Variants in APBB2 observed in about 807,000 individuals in gnomAD.
APBB2 encodes the protein amyloid beta precursor protein binding family B member 2.
Under a neutral mutation model 82.5 loss-of-function variants are expected in APBB2, and 38 were observed. The observed-to-expected ratio is 0.46, with a 90% CI of 0.36 to 0.60. The LOEUF (loss-of-function observed/expected upper bound fraction) is 0.60, where lower values mean the gene tolerates loss of function less well. APBB2 is among the 20% of genes least tolerant of loss of function. The probability of loss-of-function intolerance (pLI) is 0.00; values close to 1 mark genes in which losing one functional copy is unlikely to be tolerated. For missense variants in APBB2, 772 were observed against 972.3 expected, an observed-to-expected ratio of 0.79 and a Z score of 2.74; for synonymous variants, 341 against 368.2, an observed-to-expected ratio of 0.93 and a Z score of 0.85.
intron 6 of APBB2, among the ~76,000 whole-genome samples, chr4:40,979,864 C>T (rs546149634): frequency 6.6e-6 from 1 of 152,330 alleles, no homozygotes; most frequent in South Asian, 2.1e-4. Context: ...GAGCATGCAG[C>T]TCATCCATAT....
intron 6 of APBB2, among the ~76,000 whole-genome samples, chr4:40,997,019 G>A (rs904998550): frequency 6.6e-6 from 1 of 152,038 alleles, no homozygotes; most frequent in Admixed American, 6.5e-5. Context: ...AAACTTACAT[G>A]ACCGCTGCAT....
chr4:40,934,850 G>A lies in APBB2; in HGVS notation c.1108-151C>T, dbSNP rs962934003. 1.4e-5 allele frequency: 10 copies of A among 693,496 alleles called. No individual in the cohort carries two copies. The Admixed American group carries it at 2.2e-4, about 15-fold the overall frequency. 43.0% of individuals were successfully genotyped at this position (693,496 alleles called of 1,614,324 possible). A position where few individuals can be genotyped will look rare whatever the true frequency, so the allele number is the denominator to read the frequency against. On this transcript the variant is annotated intron_variant, in intron 8 of 17. Coordinates refer to ENST00000508593, the MANE Select transcript of APBB2 (RefSeq NM_004307.2). ...AGGCATGCAAGGACTGTTGAATGCT[G>A]ACTGGTGCAAACTCCTGTTCTTACA...
At chr4:41,169,183 CAAAAAA>C (rs60032221) in intron 1 of APBB2, among the ~76,000 whole-genome samples, 3 of 60,726 alleles carry the variant, frequency 4.9e-5, no homozygotes, top group African/African-American at 1.7e-4. Context: ...CACTCCGTCT[CAAAAAA>C]AAAAAAAAAA....
chr4:40,849,600 G>A (rs2154322779), intron 12 of APBB2, among the ~76,000 whole-genome samples: 1 of 152,234 alleles, frequency 6.6e-6, no homozygotes, highest in African/African-American at 2.4e-5. Context: ...GGACTGAAAA[G>A]CTGCCCTTTG....
intron 7 of APBB2, among the ~76,000 whole-genome samples, chr4:40,942,640 GGGCTGTTGGGGGGGA>G (rs1326780317): frequency 2.0e-5 from 3 of 152,108 alleles, no homozygotes; most frequent in Admixed American, 2.0e-4. Context: ...CCGAGCAGCG[GGGCTGTTGGGGGGGA>G]ACACTGAACT....
chr4:40,982,287 AAG>A lies in APBB2; in HGVS notation c.835+31294_835+31295del, dbSNP rs1798898915. On this transcript the variant is annotated intron_variant, in intron 6 of 17. Coordinates refer to ENST00000508593, the MANE Select transcript of APBB2 (RefSeq NM_004307.2). ...GAAAGAAAGAAAGAAAGAAAGAAGG[AAG>A]GAAGGAAGGAAGGAAGGAAAGAAAG... is the stretch of plus-strand genomic sequence containing the variant. 1.6e-3 allele frequency among the ~76,000 whole-genome samples: 61 copies of A among 38,194 alleles called. 6 individuals carry two copies. The highest frequency in any genetic ancestry group is 7.6e-3 in the African/African-American group (51 of 6,714). 25.1% of individuals were successfully genotyped at this position (38,194 alleles called of 152,430 possible).
chr4:41,068,202 TAA>T (rs1354146517), intron 3 of APBB2, among the ~76,000 whole-genome samples: 2 of 152,186 alleles, frequency 1.3e-5, no homozygotes, highest in Admixed American at 1.3e-4. Context: ...GTACCGATGA[TAA>T]AGTTTAATTT....
chr4:41,168,381 T>A (rs111382971), intron 1 of APBB2, among the ~76,000 whole-genome samples: 7,241 of 152,080 alleles, frequency 0.048, 359 homozygotes, highest in African/African-American at 0.14. Flanking sequence ...TTATTTATTT[T>A]TTTATTTTTT....
At chr4:41,108,035 T>C (rs989399900) in intron 2 of APBB2, among the ~76,000 whole-genome samples, 4 of 152,210 alleles carry the variant, frequency 2.6e-5, no homozygotes, top group Non-Finnish European at 5.9e-5. Context: ...ATAGGCTATG[T>C]GGGAAAATAT....
intron 10 of APBB2, among the ~76,000 whole-genome samples, chr4:40,930,446 TGTGCGCGCGCGCGCGCGCGCGTGCGC>T (rs1470054133): frequency 7.6e-4 from 62 of 81,382 alleles, no homozygotes; most frequent in Non-Finnish European, 1.1e-3. Context: ...TGTGTGTGTG[TGTGCGCGCGCGCGCGCGCGCGTGCGC>T]GTGCGCGTAT....
At chr4:40,985,527 A>G (rs1240159310) in intron 6 of APBB2, among the ~76,000 whole-genome samples, 1 of 152,152 alleles carries the variant, frequency 6.6e-6, no homozygotes, top group Non-Finnish European at 1.5e-5. Flanking sequence ...TGATGAAGAC[A>G]AGTCTTTTCA....
At position 41,127,145 on chromosome 4, in the gene APBB2, A is replaced by G. The variant is rs967760656; in HGVS notation, c.-261+15842T>C. ...TAATGAAAGGATACTACATTCTACA[A>G]TGTCCCAATGACACCCTGATTTTGA... On this transcript the variant is annotated intron_variant, in intron 2 of 17. Coordinates refer to ENST00000508593, the MANE Select transcript of APBB2 (RefSeq NM_004307.2). This position sits in a 1 kb window ranked among gnomAD's most constrained non-coding sequence, Gnocchi z 4.8. Among the ~76,000 whole-genome samples the G allele has an allele frequency of 2.0e-5, 3 of 152,102 alleles. No homozygotes were observed. The highest frequency in any genetic ancestry group is 7.2e-5 in the African/African-American group (3 of 41,422).
In APBB2 at chr4:40,920,955, T is replaced by C. The variant is rs1781103947; in HGVS notation, c.1254+13501A>G. On this transcript the variant is annotated intron_variant, in intron 10 of 17. Transcript: ENST00000508593. ...TAGCCCAGCAATGAAAAGCTTGGAC[T>C]CTGGAACCAGACTGCCTGGGTTCAA... 2.6e-5 allele frequency among the ~76,000 whole-genome samples: 4 copies of C among 152,192 alleles called. No individual in the cohort carries two copies. In the South Asian group the frequency reaches 6.2e-4, roughly 24 times the overall value.
chr4:40,812,659 G>A lies in APBB2; in HGVS notation c.*3433C>T, dbSNP rs1321308690. On this transcript the variant is annotated 3_prime_UTR_variant, in exon 18 of 18. Coordinates refer to ENST00000508593, the MANE Select transcript of APBB2 (RefSeq NM_004307.2). ...GTGTTGCAATGCCTGGGACATGAACGGGCCATACAAACAGAGGAAAGCTCT... is the reference window on the plus strand; with the variant it reads ...GTGTTGCAATGCCTGGGACATGAACAGGCCATACAAACAGAGGAAAGCTCT... 2 of 152,202 alleles carry A rather than the reference G, an allele frequency of 1.3e-5. No homozygotes were observed. The highest frequency in any genetic ancestry group is 4.8e-5 in the African/African-American group (2 of 41,444). The allele number at this position is 152,202 out of a possible 1,614,324, so 9.4% of individuals were successfully genotyped here.
At chr4:41,133,630 AGAAAG>A (rs1190161820) in intron 2 of APBB2, among the ~76,000 whole-genome samples, 2 of 151,652 alleles carry the variant, frequency 1.3e-5, no homozygotes, top group Non-Finnish European at 3.0e-5. Flanking sequence ...AGGAAAAGGA[AGAAAG>A]GGATTAACAT....
At chr4:41,195,238 A>G in intron 1 of APBB2, among the ~76,000 whole-genome samples, 1 of 152,114 alleles carries the variant, frequency 6.6e-6, no homozygotes, top group Non-Finnish European at 1.5e-5. Flanking sequence ...TGCTGATGAA[A>G]CACCTCAAAT....
chr4:40,843,800 G>A (rs139739236), intron 12 of APBB2, among the ~76,000 whole-genome samples: 27 of 152,280 alleles, frequency 1.8e-4, no homozygotes, highest in Non-Finnish European at 3.5e-4. Flanking sequence ...TTACTGTTCT[G>A]ACAGATGAGG....
intron 4 of APBB2, among the ~76,000 whole-genome samples, chr4:41,037,166 T>G (rs1319035796): frequency 2.0e-5 from 3 of 152,228 alleles, no homozygotes; most frequent in African/African-American, 7.2e-5. Context: ...CTTAGGTAGG[T>G]GAGTCTACTT....
At chr4:40,861,453 G>T (rs568151426) in intron 12 of APBB2, among the ~76,000 whole-genome samples, 54 of 152,322 alleles carry the variant, frequency 3.5e-4, no homozygotes, top group African/African-American at 1.3e-3. Flanking sequence ...CTTGAGCCCA[G>T]GAGTTTGAGG....
Sources: allele counts gnomAD v4.1 joint callset (sites outside exome capture counted in the v4.1 genomes callset), GRCh38; gene constraint gnomAD v4.1.1; non-coding constraint Gnocchi (gnomAD v3.1); transcripts MANE v1.5; gene names NCBI Gene and HGNC (gene_info 2026-07-23, HGNC 2026-07-21).